RBL1: variants seen among roughly 807,000 people sequenced by gnomAD.
RBL1 encodes the protein RB transcriptional corepressor like 1.
A neutral mutation model predicts 123.0 loss-of-function variants in RBL1; 82 were observed. The ratio of observed to expected loss-of-function variants is 0.67; its 90% CI spans 0.56 to 0.80. The LOEUF (loss-of-function observed/expected upper bound fraction) is 0.80. RBL1 is among the 30% of genes least tolerant of loss of function. RBL1 has a pLI of 0.00. For missense variants in RBL1, 1,171 were observed against 1,299.6 expected (o/e 0.90, Z 1.52); for synonymous variants, 405 against 441.3 (o/e 0.92, Z 1.03).
intron 2 of RBL1, among the ~76,000 whole-genome samples, chr20:37,079,740 G>A (rs1200560064): frequency 3.3e-5 from 5 of 151,848 alleles, no homozygotes; most frequent in Admixed American, 6.6e-5. Flanking sequence ...CTCCCACCTC[G>A]GCTTCCCAAA....
At chr20:37,000,424 T>G (rs2063951521) in intron 21 of RBL1, among the ~76,000 whole-genome samples, 1 of 99,732 alleles carries the variant, frequency 1.0e-5, no homozygotes, top group African/African-American at 3.4e-5. Context: ...GGTGGGGGGG[T>G]CATCCCTCTG....
At chr20:37,041,938 T>C (rs1320192307) in intron 13 of RBL1, among the ~76,000 whole-genome samples, 1 of 151,272 alleles carries the variant, frequency 6.6e-6, no homozygotes, top group East Asian at 1.9e-4. Flanking sequence ...CTGGGCGTGG[T>C]GGTGGGTGCT....
chr20:37,013,326 A>T (rs1486989527), intron 19 of RBL1, among the ~76,000 whole-genome samples: 2 of 151,264 alleles, frequency 1.3e-5, no homozygotes, highest in East Asian at 3.9e-4. Context: ...TGCTGTGTCC[A>T]CTCAGGGTTA....
At chr20:37,006,149 C>T (rs1178485428) in intron 20 of RBL1, among the ~76,000 whole-genome samples, 6 of 151,368 alleles carry the variant, frequency 4.0e-5, no homozygotes, top group African/African-American at 1.5e-4. Flanking sequence ...ATCCTCCAGG[C>T]TTAGCTTCCC....
At chr20:37,093,468 A>G (rs894659225) in intron 1 of RBL1, among the ~76,000 whole-genome samples, 2 of 152,010 alleles carry the variant, frequency 1.3e-5, no homozygotes, top group African/African-American at 2.4e-5. Flanking sequence ...GTCAGATACT[A>G]TCTCCACAAA....
In RBL1 at chr20:37,040,220, C is replaced by T. The variant is rs1202615290; in HGVS notation, c.1836G>A (p.Met612Ile). ...GGNVQGHLPLMPMSPLMHPRV... is the reference protein window; with the variant it reads ...GGNVQGHLPLIPMSPLMHPRV... ...TTGGGTGCATTAGAGGAGACATTGG[C>T]ATCAGGGGAAGATGTCCCTGCACAT... The change falls in exon 14 of 22, where the codon ATG (methionine) becomes ATA (isoleucine). Residue 612 changes from methionine (M) to isoleucine (I), a missense_variant. Physicochemically the swap from Met to Ile is conservative, Grantham distance 10. Coordinates refer to ENST00000373664, the MANE Select transcript of RBL1 (RefSeq NM_002895.5). The T allele has an allele frequency of 3.7e-6, 6 of 1,614,032 alleles. No homozygotes were observed. In the South Asian group the frequency reaches 6.6e-5, roughly 18 times the overall value.
At chr20:36,999,966 T>C (rs2063939877) in intron 21 of RBL1, among the ~76,000 whole-genome samples, 1 of 147,070 alleles carries the variant, frequency 6.8e-6, no homozygotes, top group Admixed American at 6.7e-5. Context: ...GTCTGGGATG[T>C]GAGGAGCCTC....
intron 19 of RBL1, among the ~76,000 whole-genome samples, chr20:37,017,853 C>A (rs1296956699): frequency 6.6e-6 from 1 of 151,876 alleles, no homozygotes; most frequent in Non-Finnish European, 1.5e-5. Context: ...GCCAGGATGG[C>A]CTTGATCTCT....
intron 16 of RBL1, among the ~76,000 whole-genome samples, chr20:37,026,446 C>G (rs922882629): frequency 3.3e-5 from 5 of 152,088 alleles, no homozygotes; most frequent in African/African-American, 1.2e-4. Context: ...TGGCTCATGC[C>G]TGTAATCCCA....
chr20:37,058,495 T>C (rs1357269773), intron 9 of RBL1, among the ~76,000 whole-genome samples: 1 of 132,462 alleles, frequency 7.5e-6, no homozygotes, highest in Non-Finnish European at 1.6e-5. Context: ...AGCCTGGCAA[T>C]AGAGCAAGAC....
At chr20:37,082,344 G>C (rs2146326657) in intron 2 of RBL1, among the ~76,000 whole-genome samples, 1 of 152,288 alleles carries the variant, frequency 6.6e-6, no homozygotes, top group South Asian at 2.1e-4. Flanking sequence ...AGTTTGGGAA[G>C]ATAAGAAAGT....
At chr20:37,009,869 A>C (rs2064125215) in intron 19 of RBL1, among the ~76,000 whole-genome samples, 1 of 152,012 alleles carries the variant, frequency 6.6e-6, no homozygotes, top group African/African-American at 2.4e-5. Flanking sequence ...AAAATTAAAG[A>C]AATTTAAAAA....
At chr20:37,061,909 T>C (rs1485433808) in intron 8 of RBL1, among the ~76,000 whole-genome samples, 175 bp downstream of exon 8, 1 of 152,146 alleles carries the variant, frequency 6.6e-6, no homozygotes, top group Non-Finnish European at 1.5e-5. Flanking sequence ...TAGTAAGAAA[T>C]GAGGTAAAAA....
intron 20 of RBL1, among the ~76,000 whole-genome samples, chr20:37,005,160 A>G (rs1251601449): frequency 1.3e-5 from 2 of 151,698 alleles, no homozygotes; most frequent in African/African-American, 2.4e-5. Context: ...TGTAATCCCA[A>G]CACTTTGGGA....
intron 2 of RBL1, among the ~76,000 whole-genome samples, chr20:37,077,206 G>A (rs111464773): frequency 0.058 from 8,811 of 152,098 alleles, 332 homozygotes; most frequent in Non-Finnish European, 0.088. Flanking sequence ...CAAAGTGCTG[G>A]GATTACAGGT....
intron 11 of RBL1, among the ~76,000 whole-genome samples, chr20:37,052,075 C>T (rs1242525070): frequency 2.0e-5 from 3 of 151,698 alleles, no homozygotes; most frequent in Non-Finnish European, 4.4e-5. Context: ...CTCTGTTGCC[C>T]AGGCTGGAGT....
At chr20:37,067,566 C>T (rs1310074454) in intron 3 of RBL1, among the ~76,000 whole-genome samples, 3 of 151,576 alleles carry the variant, frequency 2.0e-5, no homozygotes, top group African/African-American at 7.3e-5. Flanking sequence ...GTTAGGAGTT[C>T]GAGACCACCT....
intron 16 of RBL1, among the ~76,000 whole-genome samples, chr20:37,025,492 C>A (rs1277698150): frequency 6.6e-6 from 1 of 151,648 alleles, no homozygotes; most frequent in Non-Finnish European, 1.5e-5. Flanking sequence ...TGCACCCCTG[C>A]ACGGGTGACA....
intron 2 of RBL1, among the ~76,000 whole-genome samples, chr20:37,082,587 A>G (rs1381530983): frequency 3.9e-5 from 6 of 152,176 alleles, no homozygotes; most frequent in Admixed American, 6.6e-5. Context: ...AATTGGAAAA[A>G]AAGGATGGTT....
Sources: gnomAD v4.1 joint callset for allele counts (sites outside exome capture counted in the v4.1 genomes callset) on GRCh38, gnomAD v4.1.1 for gene constraint, MANE v1.5 for transcripts, NCBI Gene and HGNC (gene_info 2026-07-23, HGNC 2026-07-21) for gene names.